Variants in SULT2B1 observed in about 807,000 individuals in gnomAD.
The protein encoded by SULT2B1 is sulfotransferase family 2B member 1.
SULT2B1 carries 16 observed loss-of-function variants against 33.2 expected under a neutral mutation model. The observed-to-expected ratio is 0.48, with a 90% CI of 0.33 to 0.73. SULT2B1 has a LOEUF of 0.73. Ranked by LOEUF, SULT2B1 falls within the 30% of genes least tolerant of loss-of-function variation. SULT2B1 has a pLI of 0.02. For missense variants in SULT2B1, 500 were observed against 506.0 expected, an observed-to-expected ratio of 0.99 and a Z score of 0.11; for synonymous variants, 186 against 200.5, an observed-to-expected ratio of 0.93 and a Z score of 0.61.
intron 3 of SULT2B1, among the ~76,000 whole-genome samples, chr19:48,589,688 G>A (rs1376587116): frequency 6.6e-6 from 1 of 152,202 alleles, no homozygotes; most frequent in Non-Finnish European, 1.5e-5. Context: ...GGGGCCGGGC[G>A]CGGTGGCTCA....
At chr19:48,556,104 A>G (rs977058218) in intron 1 of SULT2B1, among the ~76,000 whole-genome samples, 3 of 152,312 alleles carry the variant, frequency 2.0e-5, no homozygotes, top group African/African-American at 7.2e-5. Flanking sequence ...GCACCAGCGC[A>G]GTGTCCTTTG....
chr19:48,586,457 CAG>C (rs1427793064), intron 2 of SULT2B1, among the ~76,000 whole-genome samples: 2 of 152,150 alleles, frequency 1.3e-5, no homozygotes, highest in Non-Finnish European at 2.9e-5. Flanking sequence ...TATCCAGAAG[CAG>C]AGAGGGAGTG....
chr19:48,571,117 C>T (rs985869112), intron 1 of SULT2B1, among the ~76,000 whole-genome samples: 2 of 152,040 alleles, frequency 1.3e-5, no homozygotes, highest in Non-Finnish European at 2.9e-5. Flanking sequence ...GAACTCTGGG[C>T]TCAAGTGATC....
intron 1 of SULT2B1, among the ~76,000 whole-genome samples, chr19:48,559,956 C>CT (rs1281728616): frequency 4.2e-5 from 6 of 144,576 alleles, no homozygotes; most frequent in South Asian, 2.2e-4. Flanking sequence ...CCTCATCTCT[C>CT]TTTAAAAAAA....
At chr19:48,598,559 G>A (rs577184807) in intron 6 of SULT2B1, among the ~76,000 whole-genome samples, 9 of 152,154 alleles carry the variant, frequency 5.9e-5, no homozygotes, top group African/African-American at 2.2e-4. Flanking sequence ...ACTCCAGCCT[G>A]GGCGACAGAG....
chr19:48,556,652 TA>T (rs747543551), intron 1 of SULT2B1, among the ~76,000 whole-genome samples: 611 of 140,986 alleles, frequency 4.3e-3, no homozygotes, highest in Admixed American at 4.8e-3. Flanking sequence ...ATATGTGATT[TA>T]AAAAAAAAAA....
At chr19:48,574,921 A>C (rs1973383391) in intron 1 of SULT2B1, among the ~76,000 whole-genome samples, 1 of 152,138 alleles carries the variant, frequency 6.6e-6, no homozygotes, top group South Asian at 2.1e-4. Flanking sequence ...TGATGACATC[A>C]CTGAACAAAC....
At chr19:48,576,354 C>CTTTTTTTTTTTT (rs879507532) in intron 2 of SULT2B1, among the ~76,000 whole-genome samples, 1,770 of 79,654 alleles carry the variant, frequency 0.022, 279 homozygotes, top group South Asian at 0.026. Context: ...TTACCCTCTA[C>CTTTTTTTTTTTT]TTCTCTTTTT....
At chr19:48,574,691 C>CAG (rs1973379465) in intron 1 of SULT2B1, among the ~76,000 whole-genome samples, 2 of 152,192 alleles carry the variant, frequency 1.3e-5, no homozygotes, top group South Asian at 4.1e-4. Context: ...CCTCACATGA[C>CAG]AGATGAGGAA....
chr19:48,579,564 G>A (rs968013068), intron 2 of SULT2B1, among the ~76,000 whole-genome samples: 5 of 149,288 alleles, frequency 3.3e-5, no homozygotes, highest in African/African-American at 7.4e-5. Flanking sequence ...TTACAGGCAC[G>A]AGCCACCGCG....
At chr19:48,592,939 G>C in intron 5 of SULT2B1, 123 bp downstream of exon 5, 1 of 791,654 alleles carries the variant, frequency 1.3e-6, no homozygotes, top group Non-Finnish European at 2.1e-6. Context: ...CAGCCCCTGG[G>C]GATACTGCAG....
At position 48,587,339 on chromosome 19, in the gene SULT2B1, G is replaced by C; in HGVS notation, c.325G>C (p.Gly109Arg). 1 of 1,613,980 alleles carries C rather than the reference G, an allele frequency of 6.2e-7. No homozygotes were observed. Among genetic ancestry groups the C allele is most frequent in the South Asian group, 1.1e-5 (1 of 91,078 alleles). ...GGCACCCTGGTGTGAGACCATTGTGGGTGCCTTCAGCCTCCCGGACCAGTA... is the reference window on the plus strand; with the variant it reads ...GGCACCCTGGTGTGAGACCATTGTGCGTGCCTTCAGCCTCCCGGACCAGTA... ...ERAPWCETIV[G>R]AFSLPDQYSP... The change falls in exon 3 of 7, where the codon GGT becomes CGT. Residue 109 changes from glycine to arginine, a missense_variant. Gly to Arg is a moderately radical substitution (Grantham distance 125). Coordinates refer to ENST00000201586, the MANE Select transcript of SULT2B1 (RefSeq NM_177973.2).
chr19:48,578,803 G>C (rs191581926), intron 2 of SULT2B1, among the ~76,000 whole-genome samples: 8 of 152,190 alleles, frequency 5.3e-5, no homozygotes, highest in East Asian at 1.9e-4. Context: ...TTGGAACCGG[G>C]GGGTAGAGGT....
At chr19:48,567,198 G>A (rs566186714) in intron 1 of SULT2B1, among the ~76,000 whole-genome samples, 1 of 152,128 alleles carries the variant, frequency 6.6e-6, no homozygotes, top group South Asian at 2.1e-4. Flanking sequence ...TTCACTGCGC[G>A]CTTCCTCAAG....
chr19:48,553,736 G>T (rs775606099), intron 1 of SULT2B1, among the ~76,000 whole-genome samples: 1 of 152,186 alleles, frequency 6.6e-6, no homozygotes, highest in Non-Finnish European at 1.5e-5. Flanking sequence ...CCTGATTGCT[G>T]TGTGACCTAG....
intron 2 of SULT2B1, among the ~76,000 whole-genome samples, chr19:48,577,750 T>C (rs1337347258): frequency 1.3e-5 from 2 of 152,156 alleles, no homozygotes; most frequent in African/African-American, 2.4e-5. Flanking sequence ...AAGTATTTAT[T>C]AAACACATAT....
At chr19:48,560,600 T>A (rs1568402951) in intron 1 of SULT2B1, among the ~76,000 whole-genome samples, 2 of 151,908 alleles carry the variant, frequency 1.3e-5, no homozygotes, top group Admixed American at 1.3e-4. Context: ...AAGAAACAAG[T>A]GAAATTAATT....
At chr19:48,561,669 C>T (rs1189462176) in intron 1 of SULT2B1, among the ~76,000 whole-genome samples, 3 of 152,064 alleles carry the variant, frequency 2.0e-5, no homozygotes, top group African/African-American at 4.8e-5. Context: ...ACTGGCAGCC[C>T]AGCTACAGTG....
intron 2 of SULT2B1, among the ~76,000 whole-genome samples, chr19:48,584,283 C>A (rs775363531): frequency 1.5e-4 from 23 of 152,178 alleles, no homozygotes; most frequent in Non-Finnish European, 3.2e-4. Flanking sequence ...TCATGACCCA[C>A]TGGGTGACTG....
Sources: allele counts gnomAD v4.1 joint callset (sites outside exome capture counted in the v4.1 genomes callset), GRCh38; gene constraint gnomAD v4.1.1; transcripts MANE v1.5; gene names NCBI Gene and HGNC (gene_info 2026-07-23, HGNC 2026-07-21).